Variants in MCM9 observed in about 807,000 individuals in gnomAD.
MCM9 encodes minichromosome maintenance 9 homologous recombination repair factor, also known as DNA helicase MCM9.
A neutral mutation model predicts 72.8 loss-of-function variants in MCM9; 55 were observed. The observed-to-expected ratio is 0.76, with a 90% CI of 0.61 to 0.95. The LOEUF is 0.95. Ranked by LOEUF, MCM9 falls within the 40% of genes least tolerant of loss-of-function variation. MCM9 has a pLI of 0.00. For synonymous variants in MCM9, 480 were observed against 503.4 expected, an observed-to-expected ratio of 0.95 and a Z score of 0.62; for missense variants, 1,279 against 1,377.0, an observed-to-expected ratio of 0.93 and a Z score of 1.13.
chr6:118,930,685 T>C (rs1288742589), intron 3 of MCM9, among the ~76,000 whole-genome samples: 1 of 152,208 alleles, frequency 6.6e-6, no homozygotes, highest in East Asian at 1.9e-4. Flanking sequence ...AGGTTAGGCG[T>C]GTAGCCTTTA....
intron 8 of MCM9, among the ~76,000 whole-genome samples, chr6:118,865,850 GA>G (rs74208497): frequency 0.73 from 110,891 of 152,024 alleles, 41,483 homozygotes; most frequent in South Asian, 0.83. Flanking sequence ...CTAGATCCAA[GA>G]AAAAAAGAGG....
intron 8 of MCM9, chr6:118,910,771 T>A (rs1035626486): frequency 2.0e-6 from 2 of 985,458 alleles, no homozygotes; most frequent in African/African-American, 1.7e-5. Flanking sequence ...ATGGTTAATA[T>A]ACTGTTGAGT....
At chr6:118,858,648 G>GA (rs1390213991) in intron 8 of MCM9, among the ~76,000 whole-genome samples, 4 of 152,054 alleles carry the variant, frequency 2.6e-5, no homozygotes, top group African/African-American at 9.7e-5. Flanking sequence ...ACTAGTAAAC[G>GA]AGTGTGGCAA....
rs1774366873 is a variant in MCM9 at position 118,829,175 on chromosome 6, C to T, written c.1401G>A (p.Glu467=). 9.0e-6 allele frequency: 14 copies of T among 1,550,650 alleles called. No individual in the cohort carries two copies. The East Asian group carries it at 3.4e-4, about 38-fold the overall frequency. ...CGAGGGCAATGTTCACAGACACGGA[C>T]TCCTGGGGGTCGTACTGGCCTTTGG... ...TNPKGQYDPQ[E]SVSVNIALGS... is the part of the protein sequence containing the mutation. The change falls in exon 10 of 14, where the codon GAG becomes GAA. Residue 467 remains glutamate (E), a synonymous_variant. Transcript: ENST00000619706.
chr6:118,833,944 G>A (rs1234607528), intron 9 of MCM9, among the ~76,000 whole-genome samples: 1 of 152,094 alleles, frequency 6.6e-6, no homozygotes, highest in African/African-American at 2.4e-5. Flanking sequence ...TGTTACATAG[G>A]TATACATGTG....
chr6:118,931,614 T>C lies in MCM9; in HGVS notation c.110A>G (p.His37Arg), dbSNP rs772824363. 6.2e-7 allele frequency: 1 copy of C among 1,614,184 alleles called. No homozygotes were observed. The highest frequency in any genetic ancestry group is 1.1e-5 in the South Asian group (1 of 91,082). The change falls in exon 3 of 14, where the codon CAT (histidine) becomes CGT (arginine). Residue 37 changes from histidine (H) to arginine (R), a missense_variant. Coordinates refer to ENST00000619706, the MANE Select transcript of MCM9 (RefSeq NM_017696.3). ...LILKERDEDA[H>R]YPVVVNAMTL... ...CATGGCATTAACCACAACTGGGTAA[T>C]GAGCATCTTCATCCCTTTCCTTCAA... is the stretch of plus-strand genomic sequence containing the variant.
At position 118,861,491 on chromosome 6, in the gene MCM9, C is replaced by T. The variant is rs780512058; in HGVS notation, c.1151-4946G>A. ...CTCCAGGAAGCATGAGGTACTTGGA[C>T]AACTGGAGGGTGAGCAAGGTGGAGA... On this transcript the variant is annotated intron_variant, in intron 8 of 13. Coordinates refer to ENST00000619706, the MANE Select transcript of MCM9 (RefSeq NM_017696.3). Among the ~76,000 whole-genome samples the T allele has an allele frequency of 1.4e-4, 22 of 152,314 alleles. 1 individual carries two copies. The highest frequency in any genetic ancestry group is 8.5e-4 in the Admixed American group (13 of 15,302).
chr6:118,883,203 C>A (rs189881035), intron 8 of MCM9, among the ~76,000 whole-genome samples: 97 of 151,422 alleles, frequency 6.4e-4, no homozygotes, highest in Non-Finnish European at 1.2e-3. Context: ...ACAAAAAATT[C>A]ACTAGATAGC....
In MCM9 at chr6:118,814,850, C is replaced by T; in HGVS notation, c.3406G>A (p.Asp1136Asn). The T allele has an allele frequency of 6.6e-7, 1 of 1,520,702 alleles. No homozygotes were observed. Among genetic ancestry groups the T allele is most frequent in the Non-Finnish European group, 8.8e-7 (1 of 1,133,068 alleles). 94.2% of individuals were successfully genotyped at this position (1,520,702 alleles called of 1,614,324 possible). A position where few individuals can be genotyped will look rare whatever the true frequency, so the allele number is the denominator to read the frequency against. ...TATGACTTTTTTCTCATCTCTTCAT[C>T]CCAGTCACAATCAAATGCTTCATCA... ...LGDEAFDCDWDEEMRKKS is the reference protein window; with the variant it reads ...LGDEAFDCDWNEEMRKKS Residue 1136 changes from aspartate to asparagine, a missense_variant, in exon 14 of 14, where the codon GAT (aspartate) becomes AAT (asparagine). Coordinates refer to ENST00000619706, the MANE Select transcript of MCM9 (RefSeq NM_017696.3).
chr6:118,904,570 G>A (rs1308884196), intron 8 of MCM9, among the ~76,000 whole-genome samples: 3 of 152,122 alleles, frequency 2.0e-5, no homozygotes. Context: ...ACCCTACCAC[G>A]GATGGGGCCC....
chr6:118,829,691 C>T (rs960502973), intron 9 of MCM9, among the ~76,000 whole-genome samples: 1 of 152,150 alleles, frequency 6.6e-6, no homozygotes, highest in African/African-American at 2.4e-5. Flanking sequence ...CACTGTGAAG[C>T]AGCTTTTGAA....
intron 8 of MCM9, among the ~76,000 whole-genome samples, chr6:118,868,160 C>T (rs1777346976): frequency 6.6e-6 from 1 of 152,050 alleles, no homozygotes; most frequent in Admixed American, 6.6e-5. Flanking sequence ...CAGGTGTGAG[C>T]CACTGCACTC....
chr6:118,919,498 C>T (rs1327133219), intron 5 of MCM9: 1 of 152,138 alleles, frequency 6.6e-6, no homozygotes, highest in African/African-American at 2.4e-5. Flanking sequence ...AATATTAGCT[C>T]TTCTTATACT....
intron 9 of MCM9, among the ~76,000 whole-genome samples, chr6:118,835,826 T>C (rs1243509194): frequency 6.6e-6 from 1 of 152,068 alleles, no homozygotes; most frequent in African/African-American, 2.4e-5. Flanking sequence ...CCCTTCCTAT[T>C]TGTACCCATT....
rs571722479 is a variant in MCM9, at chr6:118,861,895, C to T, written c.1151-5350G>A. 2.6e-5 allele frequency among the ~76,000 whole-genome samples: 4 copies of T among 152,310 alleles called. No individual in the cohort carries two copies. The South Asian group carries it at 8.3e-4, about 32-fold the overall frequency. On this transcript the variant is annotated intron_variant, in intron 8 of 13. Transcript: ENST00000619706. ...TGCCTAGGAATGAATCTGCCTGCTT[C>T]CTGCCACCATCAACATGCCATCCAT...
At chr6:118,913,536 G>C in intron 6 of MCM9, 116 bp from the exon 7 acceptor site, 1 of 1,275,036 alleles carries the variant, frequency 7.8e-7, no homozygotes, top group South Asian at 1.5e-5. Context: ...TATGTGAAGT[G>C]ATCAGGAGGT....
At chr6:118,925,537 C>G (rs1326140495) in intron 3 of MCM9, among the ~76,000 whole-genome samples, 2 of 152,302 alleles carry the variant, frequency 1.3e-5, no homozygotes, top group Non-Finnish European at 2.9e-5. Flanking sequence ...TACAAGTCTA[C>G]AGATAGACTT....
chr6:118,852,529 C>T (rs980013023), intron 9 of MCM9, among the ~76,000 whole-genome samples: 1 of 152,112 alleles, frequency 6.6e-6, no homozygotes, highest in Non-Finnish European at 1.5e-5. Context: ...ACTATTATTA[C>T]TTTACATAAC....
At chr6:118,817,015 A>G (rs551601740) in intron 13 of MCM9, among the ~76,000 whole-genome samples, 25 of 152,260 alleles carry the variant, frequency 1.6e-4, no homozygotes, top group African/African-American at 6.0e-4. Flanking sequence ...AAATCTATTT[A>G]CTTTCTACGA....
Sources: gnomAD v4.1 joint callset for allele counts (sites outside exome capture counted in the v4.1 genomes callset) on GRCh38, gnomAD v4.1.1 for gene constraint, MANE v1.5 for transcripts, NCBI Gene and HGNC (gene_info 2026-07-23, HGNC 2026-07-21) for gene names.